The following CSMD3 variants were observed in gnomAD, a reference collection of about 807,000 sequenced individuals.
CSMD3 encodes CUB and sushi domain-containing protein 3.
Under a neutral mutation model 435.2 loss-of-function variants are expected in CSMD3, and 177 were observed. The observed-to-expected ratio is 0.41, with a 90% confidence interval of 0.36 to 0.46. CSMD3 has a LOEUF of 0.46. Among genes scored for constraint, CSMD3 ranks in the 20% least tolerant of loss-of-function variants. CSMD3 has a pLI of 0.34. For synonymous variants in CSMD3, 1,656 were observed against 1,520.5 expected (o/e 1.09, Z -2.07); for missense variants, 4,265 against 4,504.6 (o/e 0.95, Z 1.52).
chr8:112,960,752 G>T (rs1009606063), intron 7 of CSMD3, among the ~76,000 whole-genome samples: 3 of 151,436 alleles, frequency 2.0e-5, no homozygotes, highest in African/African-American at 7.3e-5. Flanking sequence ...AACATACTAG[G>T]GATACACGAG....
At chr8:113,424,578 G>A (rs1395479331) in intron 1 of CSMD3, among the ~76,000 whole-genome samples, 1 of 150,460 alleles carries the variant, frequency 6.6e-6, no homozygotes, top group Non-Finnish European at 1.5e-5. Context: ...TCTGAGACAA[G>A]AGCAAACATT....
chr8:112,516,998 G>A (rs1279195603), intron 28 of CSMD3, 36 bp downstream of exon 28: 1 of 1,495,304 alleles, frequency 6.7e-7, no homozygotes, highest in African/African-American at 1.4e-5. Context: ...ATTGTTTTAT[G>A]TTTATATAAA....
chr8:112,520,748 GTCAAAT>G (rs1824197010), intron 27 of CSMD3, among the ~76,000 whole-genome samples: 1 of 72,994 alleles, frequency 1.4e-5, no homozygotes, highest in African/African-American at 5.4e-5. Flanking sequence ...CCAAATATAT[GTCAAAT>G]AACATTTTAA....
chr8:113,431,710 T>C (rs2094674344), intron 1 of CSMD3, among the ~76,000 whole-genome samples: 1 of 150,850 alleles, frequency 6.6e-6, no homozygotes. Flanking sequence ...CGTTTTAAGG[T>C]CAGAGTTTTT....
intron 4 of CSMD3, among the ~76,000 whole-genome samples, chr8:113,137,293 T>A (rs890979592): frequency 2.6e-5 from 4 of 151,730 alleles, no homozygotes; most frequent in Non-Finnish European, 5.9e-5. Context: ...GAAATAGAGT[T>A]AGTCTATAAT....
At position 113,421,431 on chromosome 8, in the gene CSMD3, AATAG is replaced by A. The variant is rs1345717584; in HGVS notation, c.178+15242_178+15245del. On this transcript the variant is annotated intron_variant, in intron 1 of 70. Transcript: ENST00000297405. ...AATTAACTATAATAAAAGTTGAAAC[AATAG>A]ATAGGGCACAGATTTTATAAATTAG... Among the ~76,000 whole-genome samples the A allele has an allele frequency of 5.3e-5, 8 of 152,352 alleles. No individual in the cohort carries two copies. In the South Asian group the frequency reaches 1.4e-3, roughly 28 times the overall value.
At chr8:112,529,438 A>C (rs1479666622) in intron 27 of CSMD3, among the ~76,000 whole-genome samples, 1 of 152,094 alleles carries the variant, frequency 6.6e-6, no homozygotes, top group African/African-American at 2.4e-5. Flanking sequence ...AAGTACAAAA[A>C]TTAGCCAGCA....
At chr8:112,271,570 A>G (rs1282430903) in intron 59 of CSMD3, among the ~76,000 whole-genome samples, 1 of 152,120 alleles carries the variant, frequency 6.6e-6, no homozygotes, top group Non-Finnish European at 1.5e-5. Context: ...AGTGAAATAG[A>G]CTAGGGTTTA....
intron 62 of CSMD3, among the ~76,000 whole-genome samples, 199 bp from the exon 63 acceptor site, chr8:112,254,525 T>C (rs1477563046): frequency 6.6e-6 from 1 of 152,044 alleles, no homozygotes; most frequent in African/African-American, 2.4e-5. Context: ...CTCCATTTGA[T>C]ATGAATTATG....
At chr8:112,343,202 A>G (rs1825345464) in intron 41 of CSMD3, among the ~76,000 whole-genome samples, 1 of 151,668 alleles carries the variant, frequency 6.6e-6, no homozygotes, top group African/African-American at 2.4e-5. Context: ...TTAGCCAGAA[A>G]TTGAAGATCA....
At chr8:112,542,285 A>C (rs1356221314) in intron 27 of CSMD3, among the ~76,000 whole-genome samples, 4 of 151,106 alleles carry the variant, frequency 2.6e-5, no homozygotes, top group Non-Finnish European at 5.9e-5. Context: ...CCTATTCAGC[A>C]TAGTACTGCT....
intron 10 of CSMD3, among the ~76,000 whole-genome samples, chr8:112,885,774 T>C (rs923666477): frequency 2.6e-5 from 4 of 151,778 alleles, no homozygotes; most frequent in African/African-American, 9.7e-5. Context: ...GCATTCTCAA[T>C]GTTCCTTTAT....
intron 1 of CSMD3, among the ~76,000 whole-genome samples, chr8:113,359,356 T>C (rs1348051026): frequency 2.6e-5 from 4 of 152,206 alleles, no homozygotes; most frequent in African/African-American, 4.8e-5. Flanking sequence ...GCCAAAATCA[T>C]AGGCAAGTAG....
At chr8:113,405,829 A>G (rs970859679) in intron 1 of CSMD3, among the ~76,000 whole-genome samples, 1 of 151,812 alleles carries the variant, frequency 6.6e-6, no homozygotes, top group African/African-American at 2.4e-5. Context: ...ATATAGTATA[A>G]TGTAAATGCA....
At chr8:112,718,515 G>GTATATA (rs35810260) in intron 13 of CSMD3, among the ~76,000 whole-genome samples, 233 of 140,458 alleles carry the variant, frequency 1.7e-3, no homozygotes, top group African/African-American at 2.9e-3. Context: ...GTATATATAT[G>GTATATA]TATATATATA....
intron 13 of CSMD3, among the ~76,000 whole-genome samples, chr8:112,798,168 C>A (rs1363014974): frequency 6.6e-6 from 1 of 151,710 alleles, no homozygotes; most frequent in African/African-American, 2.4e-5. Flanking sequence ...CGAGAAGGTG[C>A]TAAGTTAAAA....
intron 19 of CSMD3, among the ~76,000 whole-genome samples, chr8:112,648,410 T>A (rs1264904852): frequency 1.3e-5 from 2 of 152,182 alleles, no homozygotes; most frequent in African/African-American, 4.8e-5. Context: ...TAATAGAGGT[T>A]AAAAGTAACA....
intron 4 of CSMD3, among the ~76,000 whole-genome samples, chr8:113,155,789 T>G (rs2091917756): frequency 6.6e-6 from 1 of 152,050 alleles, no homozygotes; most frequent in African/African-American, 2.4e-5. Flanking sequence ...GGTAGAAAGT[T>G]TAATACAGAT....
At chr8:113,431,346 A>G (rs2094671667) in intron 1 of CSMD3, among the ~76,000 whole-genome samples, 1 of 152,232 alleles carries the variant, frequency 6.6e-6, no homozygotes, top group South Asian at 2.1e-4. Flanking sequence ...ATGTACATGT[A>G]AATAAACTAA....
Sources: gnomAD v4.1 joint callset for allele counts (sites outside exome capture counted in the v4.1 genomes callset) on GRCh38, gnomAD v4.1.1 for gene constraint, MANE v1.5 for transcripts, NCBI Gene and HGNC (gene_info 2026-07-23, HGNC 2026-07-21) for gene names.